Variants in TMPRSS13 observed in about 807,000 individuals in gnomAD.
TMPRSS13 encodes transmembrane serine protease 13, also known as transmembrane protease serine 13.
In TMPRSS13, 50 loss-of-function variants were observed where a neutral mutation model predicts 68.4. The observed-to-expected ratio is 0.73, with a 90% CI of 0.58 to 0.93. TMPRSS13 has a LOEUF of 0.93. TMPRSS13 is among the 40% of genes least tolerant of loss of function. The pLI is 0.00. For synonymous variants in TMPRSS13, 267 were observed against 285.8 expected, an observed-to-expected ratio of 0.93 and a Z score of 0.66; for missense variants, 615 against 729.2, an observed-to-expected ratio of 0.84 and a Z score of 1.80.
intron 8 of TMPRSS13, 100 bp downstream of exon 8, chr11:117,909,706 C>T (rs2057500702): frequency 2.8e-6 from 4 of 1,427,248 alleles, no homozygotes; most frequent in Non-Finnish European, 3.8e-6. Context: ...TGGACTCACA[C>T]CCAGAATCCT....
Position 117,911,849 on chromosome 11 carries a change from G to T in TMPRSS13, c.821C>A (p.Thr274Lys). ...QQLGFESAHR[T>K]TEVAHRDFAN... ...AAAATCCCTGTGGGCAACCTCGGTT[G>T]TCCGGTGAGCACTACAAGGGAGCAG... The change falls in exon 6 of 13, where the codon ACA (threonine) becomes AAA (lysine). Residue 274 changes from threonine (T) to lysine (K), a missense_variant. Physicochemically the swap from Thr to Lys is moderately conservative, Grantham distance 78 (BLOSUM62 -1). Coordinates refer to ENST00000524993, the MANE Select transcript of TMPRSS13 (RefSeq NM_001077263.3). 1 of 1,613,978 alleles carries T rather than the reference G, an allele frequency of 6.2e-7. No individual in the cohort carries two copies. The highest frequency in any genetic ancestry group is 8.5e-7 in the Non-Finnish European group (1 of 1,179,934).
At chr11:117,917,021 AG>A in intron 3 of TMPRSS13, 148 bp downstream of exon 3, 2 of 692,432 alleles carry the variant, frequency 2.9e-6, no homozygotes, top group South Asian at 3.6e-5. Context: ...GCACAGTCCA[AG>A]GCCATTTGCA....
At chr11:117,917,681 T>C (rs949685202) in intron 2 of TMPRSS13, among the ~76,000 whole-genome samples, 12 of 152,150 alleles carry the variant, frequency 7.9e-5, no homozygotes, top group Non-Finnish European at 1.3e-4. Flanking sequence ...GGGATTCCAG[T>C]GCAGTGGGTC....
intron 5 of TMPRSS13, 33 bp from the exon 6 acceptor site, chr11:117,911,893 C>A (rs1457726845): frequency 1.3e-6 from 2 of 1,577,714 alleles, no homozygotes; most frequent in Admixed American, 1.7e-5. Context: ...AGAATGAGCC[C>A]CCTGGAGACA....
rs1400142976 is a variant in TMPRSS13, at chr11:117,914,233, G to GCA, written c.679+157_679+158dup. The stretch of plus-strand genomic sequence containing the variant: ...TGCACACATGCACACACACATACGT[G>GCA]CACACACACATACATGCATACACAC... On this transcript the variant is annotated intron_variant, in intron 4 of 12. Transcript: ENST00000524993. The surrounding 1 kb of genome is among the most constrained non-coding windows in gnomAD (Gnocchi z 4.2). Among the ~76,000 whole-genome samples, 1 of 151,978 alleles carries GCA rather than the reference G, an allele frequency of 6.6e-6. No homozygotes were observed.
At position 117,907,866 on chromosome 11, in the gene TMPRSS13, G is replaced by T. The variant is rs1248962533; in HGVS notation, c.1282+746C>A. On this transcript the variant is annotated intron_variant, in intron 9 of 12. Coordinates refer to ENST00000524993, the MANE Select transcript of TMPRSS13 (RefSeq NM_001077263.3). ...GGGCTGGCCATATAGTATTTGATAA[G>T]TGAACAAATGAGTGAATGGATGAAT... The T allele has an allele frequency of 5.1e-6, 5 of 981,014 alleles. No individual in the cohort carries two copies. In the African/African-American group the frequency reaches 9.0e-5, roughly 18 times the overall value. The allele number at this position is 981,014 out of a possible 1,614,324, so 60.8% of individuals were successfully genotyped here. A position where few individuals can be genotyped will look rare whatever the true frequency, so the allele number is the denominator to read the frequency against.
chr11:117,917,287 C>T lies in TMPRSS13; in HGVS notation c.452-13G>A, dbSNP rs369395773. ...GGCAGGCTCGTACCTAGGAGCAGGG[C>T]GGCAGCAGGGGAATATGAGGCTGGA... On this transcript the variant is annotated splice_polypyrimidine_tract_variant and intron_variant, in intron 2 of 12. Transcript: ENST00000524993. 8.0e-5 allele frequency: 128 copies of T among 1,604,574 alleles called. No homozygotes were observed. The highest frequency in any genetic ancestry group is 1.8e-4 in the Admixed American group (11 of 59,800).
In TMPRSS13 at chr11:117,903,986, GT is replaced by G; in HGVS notation, c.1496del (p.Asp499AlafsTer49). ...YLTPRMMCAG[D>X]LRGGRDSCQG... ...GGCAGGAGTCTCTGCCCCCACGAAG[GT>G]CCCCAGCACACATCATCCTTGGGGT... On this transcript the variant is annotated frameshift_variant, in exon 11 of 13. Transcript: ENST00000524993. LOFTEE classifies it high-confidence loss of function. The G allele has an allele frequency of 6.2e-7, 1 of 1,613,030 alleles. No homozygotes were observed. The highest frequency in any genetic ancestry group is 8.5e-7 in the Non-Finnish European group (1 of 1,179,572).
intron 1 of TMPRSS13, among the ~76,000 whole-genome samples, chr11:117,928,999 G>A (rs1478592536): frequency 6.6e-6 from 1 of 152,312 alleles, no homozygotes; most frequent in African/African-American, 2.4e-5. Context: ...CCCGGCAGGA[G>A]TGCTCACAGA....
At chr11:117,916,941 G>A (rs2057583433) in intron 3 of TMPRSS13, among the ~76,000 whole-genome samples, 1 of 152,196 alleles carries the variant, frequency 6.6e-6, no homozygotes, top group Non-Finnish European at 1.5e-5. Context: ...TGGCACAGAT[G>A]AGAGCCAAGC....
At chr11:117,907,142 T>G (rs528662096) in intron 9 of TMPRSS13, among the ~76,000 whole-genome samples, 159 of 152,256 alleles carry the variant, frequency 1.0e-3, no homozygotes, top group Middle Eastern at 3.4e-3. Context: ...GGAGGTAAGA[T>G]TTGGATGTTT....
At chr11:117,913,652 A>C in intron 5 of TMPRSS13, 125 bp downstream of exon 5, 1 of 1,219,462 alleles carries the variant, frequency 8.2e-7, no homozygotes. Context: ...GTCCAGAGCT[A>C]GTGAGATCAG....
At chr11:117,906,497 C>T (rs2057466076) in intron 9 of TMPRSS13, among the ~76,000 whole-genome samples, 1 of 152,176 alleles carries the variant, frequency 6.6e-6, no homozygotes, top group Non-Finnish European at 1.5e-5. Context: ...CTGCAGTATT[C>T]TGCACCTAAG....
intron 6 of TMPRSS13, 102 bp downstream of exon 6, chr11:117,911,666 G>C: frequency 1.2e-6 from 1 of 862,822 alleles, no homozygotes; most frequent in South Asian, 1.6e-5. Context: ...CTGGAGGCTG[G>C]ATACTAGAAA....
chr11:117,907,513 A>C (rs1028831007), intron 9 of TMPRSS13: 3 of 152,332 alleles, frequency 2.0e-5, no homozygotes, highest in Non-Finnish European at 4.4e-5. Flanking sequence ...GGCTCAGAGC[A>C]CGAGAATGGC....
At chr11:117,919,211 C>A (rs2057617886) in intron 1 of TMPRSS13, among the ~76,000 whole-genome samples, 1 of 152,188 alleles carries the variant, frequency 6.6e-6, no homozygotes, top group Non-Finnish European at 1.5e-5. Context: ...GGAATGTGGT[C>A]CCCCATGGGG....
Position 117,914,589 on chromosome 11 carries a change from G to A in TMPRSS13, c.557-75C>T. The A allele has an allele frequency of 1.3e-6, 2 of 1,591,202 alleles. No homozygotes were observed. The highest frequency in any genetic ancestry group is 1.1e-5 in the South Asian group (1 of 88,948). On this transcript the variant is annotated intron_variant, in intron 3 of 12. Transcript: ENST00000524993. This position sits in a 1 kb window ranked among gnomAD's most constrained non-coding sequence, Gnocchi z 4.2. ...GAGACACTGAGCAGCCCAAGGACCT[G>A]GGGGTTCTGAGACACCGACCTGCAA...
chr11:117,921,256 T>C (rs1351252119), intron 1 of TMPRSS13, among the ~76,000 whole-genome samples: 1 of 152,164 alleles, frequency 6.6e-6, no homozygotes, highest in African/African-American at 2.4e-5. Context: ...CTTCGTCTCT[T>C]CAGGGCTCGT....
chr11:117,924,225 C>T (rs145937407), intron 1 of TMPRSS13, among the ~76,000 whole-genome samples: 255 of 26,190 alleles, frequency 9.7e-3, no homozygotes, highest in African/African-American at 0.015. Context: ...GCCCTTTATA[C>T]TATTGTTGAG....
Sources: gnomAD v4.1 joint callset for allele counts (sites outside exome capture counted in the v4.1 genomes callset) on GRCh38, gnomAD v4.1.1 for gene constraint, Gnocchi (gnomAD v3.1) non-coding constraint, MANE v1.5 for transcripts, NCBI Gene and HGNC (gene_info 2026-07-23, HGNC 2026-07-21) for gene names.